Variants in DLGAP2 observed in about 807,000 individuals in gnomAD.
DLGAP2 encodes the protein DLG associated protein 2.
Under a neutral mutation model 100.3 loss-of-function variants are expected in DLGAP2, and 26 were observed. The observed-to-expected ratio is 0.26, with a 90% CI of 0.19 to 0.36. DLGAP2 has a LOEUF of 0.36. Among genes scored for constraint, DLGAP2 ranks in the 10% least tolerant of loss-of-function variants. The probability of loss-of-function intolerance (pLI) is 1.00; values close to 1 mark genes in which losing one functional copy is unlikely to be tolerated. For synonymous variants in DLGAP2, 886 were observed against 630.1 expected, an observed-to-expected ratio of 1.41 and a Z score of -6.08; for missense variants, 1,858 against 1,453.2, an observed-to-expected ratio of 1.28 and a Z score of -4.53.
At chr8:904,013 C>A (rs1004147292) in intron 1 of DLGAP2, among the ~76,000 whole-genome samples, 1 of 152,208 alleles carries the variant, frequency 6.6e-6, no homozygotes. Context: ...AGGGGACACA[C>A]GCGGTCCAGG....
At chr8:1,260,846 G>A (rs150918946) in intron 3 of DLGAP2, among the ~76,000 whole-genome samples, 1 of 152,312 alleles carries the variant, frequency 6.6e-6, no homozygotes, top group Non-Finnish European at 1.5e-5. Flanking sequence ...AGGTGATCTG[G>A]CCCCATCAGG....
intron 2 of DLGAP2, among the ~76,000 whole-genome samples, chr8:1,010,199 A>G (rs901654210): frequency 6.6e-5 from 10 of 152,192 alleles, no homozygotes; most frequent in African/African-American, 1.7e-4. Context: ...ATGCATGCAC[A>G]TGTGCACACT....
chr8:758,205 T>C (rs1362335638), intron 1 of DLGAP2, among the ~76,000 whole-genome samples: 2 of 152,222 alleles, frequency 1.3e-5, no homozygotes, highest in African/African-American at 2.4e-5. Context: ...GGGGCCCCTG[T>C]ATTGTGAGCA....
intron 6 of DLGAP2, among the ~76,000 whole-genome samples, chr8:1,616,337 G>GA (rs540143088): frequency 2.3e-4 from 35 of 152,124 alleles, no homozygotes; most frequent in African/African-American, 7.5e-4. Flanking sequence ...AGGTTTTGAA[G>GA]AAAAAATGGC....
At chr8:1,249,056 A>C (rs1039804300) in intron 2 of DLGAP2, among the ~76,000 whole-genome samples, 1 of 152,204 alleles carries the variant, frequency 6.6e-6, no homozygotes, top group African/African-American at 2.4e-5. Context: ...GAAGAGACTA[A>C]GCTGGGACAG....
At chr8:1,039,817 G>T (rs78404154) in intron 2 of DLGAP2, among the ~76,000 whole-genome samples, 4 of 146,694 alleles carry the variant, frequency 2.7e-5, no homozygotes, top group African/African-American at 1.0e-4. Context: ...TGGTCGGCTC[G>T]GTGTGCATGG....
At chr8:1,191,826 C>T (rs745634666) in intron 2 of DLGAP2, among the ~76,000 whole-genome samples, 3 of 152,142 alleles carry the variant, frequency 2.0e-5, no homozygotes, top group African/African-American at 7.2e-5. Context: ...ATAAGATATG[C>T]CTTTAAGCTG....
intron 2 of DLGAP2, among the ~76,000 whole-genome samples, chr8:1,253,687 A>G (rs1159331413): frequency 2.0e-5 from 3 of 152,192 alleles, no homozygotes; most frequent in East Asian, 1.9e-4. Flanking sequence ...ACACAAAACC[A>G]TCAGACAGAT....
chr8:1,578,833 C>A (rs1170837221), intron 6 of DLGAP2, among the ~76,000 whole-genome samples: 1 of 152,166 alleles, frequency 6.6e-6, no homozygotes, highest in Non-Finnish European at 1.5e-5. Flanking sequence ...GGTGTACAGA[C>A]CCTCGGCCTT....
At chr8:949,652 C>G (rs888252880) in intron 2 of DLGAP2, among the ~76,000 whole-genome samples, 1 of 152,216 alleles carries the variant, frequency 6.6e-6, no homozygotes, top group Non-Finnish European at 1.5e-5. Context: ...TCTGGCAGGT[C>G]CTCTTTCTCC....
At chr8:749,502 A>G (rs1156645993) in intron 1 of DLGAP2, among the ~76,000 whole-genome samples, 2 of 151,966 alleles carry the variant, frequency 1.3e-5, no homozygotes, top group Non-Finnish European at 2.9e-5. Flanking sequence ...TTGCCTGTAT[A>G]TTCAAAACAT....
At position 1,330,758 on chromosome 8, in the gene DLGAP2, C is replaced by T. The variant is rs552647864; in HGVS notation, c.106+71875C>T. ...AGGACTGAGTTCTGGGTGGGAGCAC[C>T]GCTTCATCGGGACCGAGTTCTGGGT... On this transcript the variant is annotated intron_variant, in intron 3 of 14. Coordinates refer to ENST00000637795, the MANE Select transcript of DLGAP2 (RefSeq NM_001346810.2). 5.2e-4 allele frequency among the ~76,000 whole-genome samples: 68 copies of T among 131,778 alleles called. 2 individuals are homozygous for T. Among genetic ancestry groups the T allele is most frequent in the East Asian group, 2.0e-3 (9 of 4,442 alleles). The allele number at this position is 131,778 out of a possible 152,430, so 86.5% of individuals were successfully genotyped here. A position where few individuals can be genotyped will look rare whatever the true frequency, so the allele number is the denominator to read the frequency against.
At chr8:911,729 TATGTTGGAAGGATGCTGGAGA>T (rs1253282279) in intron 2 of DLGAP2, among the ~76,000 whole-genome samples, 2 of 151,902 alleles carry the variant, frequency 1.3e-5, no homozygotes, top group African/African-American at 2.4e-5. Flanking sequence ...GGGTATAATG[TATGTTGGAAGGATGCTGGAGA>T]ATGTTGGAAG....
chr8:1,468,230 C>T (rs540322601), intron 3 of DLGAP2, among the ~76,000 whole-genome samples: 135 of 149,996 alleles, frequency 9.0e-4, no homozygotes, highest in Non-Finnish European at 1.1e-3. Flanking sequence ...TCTGCAGCCT[C>T]GGTCGGTTCT....
intron 1 of DLGAP2, among the ~76,000 whole-genome samples, chr8:781,026 T>G (rs960918373): frequency 6.6e-6 from 1 of 152,264 alleles, no homozygotes. Context: ...TGATTTTCAA[T>G]GCATTTTGTA....
At chr8:1,510,529 A>G (rs1279965922) in intron 4 of DLGAP2, among the ~76,000 whole-genome samples, 1 of 152,236 alleles carries the variant, frequency 6.6e-6, no homozygotes, top group Non-Finnish European at 1.5e-5. Flanking sequence ...AAGGAGGGAC[A>G]AGGAAAGGAA....
At chr8:958,615 G>C (rs1020582510) in intron 2 of DLGAP2, among the ~76,000 whole-genome samples, 2 of 151,694 alleles carry the variant, frequency 1.3e-5, no homozygotes, top group African/African-American at 4.9e-5. Flanking sequence ...CTTTTCCCGG[G>C]GATGTTAATG....
chr8:1,361,633 A>G (rs1412231611), intron 3 of DLGAP2, among the ~76,000 whole-genome samples: 2 of 152,250 alleles, frequency 1.3e-5, no homozygotes, highest in East Asian at 1.9e-4. Flanking sequence ...TAAACGGAGC[A>G]TGGGAGCCCC....
intron 12 of DLGAP2, among the ~76,000 whole-genome samples, chr8:1,687,200 C>G (rs1799137908): frequency 6.6e-6 from 1 of 152,166 alleles, no homozygotes; most frequent in Non-Finnish European, 1.5e-5. Flanking sequence ...TTATAAAAAT[C>G]CATCTCAAAT....
Sources: allele counts gnomAD v4.1 joint callset (sites outside exome capture counted in the v4.1 genomes callset), GRCh38; gene constraint gnomAD v4.1.1; transcripts MANE v1.5; gene names NCBI Gene and HGNC (gene_info 2026-07-23, HGNC 2026-07-21).